The following ENTPD1 variants were observed in gnomAD, a reference collection of about 807,000 sequenced individuals.
ENTPD1 encodes ectonucleoside triphosphate diphosphohydrolase 1, also known as ATP diphosphohydrolase.
ENTPD1 carries 33 observed loss-of-function variants against 57.0 expected under a neutral mutation model. The observed-to-expected ratio is 0.58, with a 90% CI of 0.44 to 0.77. The LOEUF (loss-of-function observed/expected upper bound fraction) is 0.77, where lower values mean the gene tolerates loss of function less well. Ranked by LOEUF, ENTPD1 falls within the 30% of genes least tolerant of loss-of-function variation. The probability of loss-of-function intolerance (pLI) is 0.00; values close to 1 mark genes in which losing one functional copy is unlikely to be tolerated. For synonymous variants in ENTPD1, 202 were observed against 218.8 expected (o/e 0.92, Z 0.68); for missense variants, 501 against 603.4 (o/e 0.83, Z 1.78).
At chr10:95,771,104 A>AC (rs142620832) in intron 1 of ENTPD1, among the ~76,000 whole-genome samples, 2,369 of 152,200 alleles carry the variant, frequency 0.016, 58 homozygotes, top group African/African-American at 0.054. Flanking sequence ...TGTTATGCAT[A>AC]CCAATTGTAA....
chr10:95,713,033 TAAA>T (rs1555272407), intron 1 of ENTPD1, among the ~76,000 whole-genome samples: 10 of 142,990 alleles, frequency 7.0e-5, no homozygotes, highest in Admixed American at 1.4e-4. Flanking sequence ...GATTCTGTCT[TAAA>T]AAAAAAAAAA....
chr10:95,819,266 C>T (rs1370985283), intron 1 of ENTPD1, among the ~76,000 whole-genome samples: 9 of 152,046 alleles, frequency 5.9e-5, no homozygotes, highest in South Asian at 2.1e-4. Context: ...TGGGCTCAAG[C>T]GATCCTCTCA....
the ENTPD1 span, among the ~76,000 whole-genome samples, chr10:95,704,270 T>G: frequency 6.6e-6 from 1 of 152,174 alleles, no homozygotes; most frequent in East Asian, 1.9e-4. Context: ...TCAGCATTTT[T>G]GGGTAAAAAT....
intron 1 of ENTPD1, among the ~76,000 whole-genome samples, chr10:95,717,563 A>G (rs760173226): frequency 2.6e-4 from 39 of 151,816 alleles, no homozygotes; most frequent in Non-Finnish European, 5.0e-4. Context: ...CCTCTTTACT[A>G]CCTGATTGGT....
rs1228932475 is a variant in ENTPD1 at position 95,857,623 on chromosome 10, C to G, written c.1075-2846C>G. Among the ~76,000 whole-genome samples the G allele has an allele frequency of 3.9e-5, 6 of 152,142 alleles. No homozygotes were observed. The South Asian group carries it at 1.2e-3, about 32-fold the overall frequency. On this transcript the variant is annotated intron_variant, in intron 7 of 9. Coordinates refer to ENST00000371205, the MANE Select transcript of ENTPD1 (RefSeq NM_001776.6). The stretch of plus-strand genomic sequence containing the variant: ...TTTCCAGGCATTAGCTATGCGAATC[C>G]AAGCATATATAAATTTATCCAGATT...
At chr10:95,770,252 AGTGAGTGTGTGTGTGT>A (rs1238649463) in intron 1 of ENTPD1, among the ~76,000 whole-genome samples, 1 of 115,344 alleles carries the variant, frequency 8.7e-6, no homozygotes. Flanking sequence ...AGAGTGAGTG[AGTGAGTGTGTGTGTGT>A]GTGTGTGTGT....
At chr10:95,724,560 C>T (rs970426230) in intron 1 of ENTPD1, among the ~76,000 whole-genome samples, 5 of 152,250 alleles carry the variant, frequency 3.3e-5, no homozygotes, top group East Asian at 1.9e-4. Flanking sequence ...TGGAACCCAG[C>T]GACTAGTGTT....
chr10:95,731,781 C>CTTTTTTTTTTTCTTTTTTTT (rs2097989386), intron 1 of ENTPD1, among the ~76,000 whole-genome samples: 1 of 79,178 alleles, frequency 1.3e-5, no homozygotes, highest in South Asian at 5.5e-4. Flanking sequence ...AGTGGACATC[C>CTTTTTTTTTTTCTTTTTTTT]TTTTTTTTTT....
intron 1 of ENTPD1, among the ~76,000 whole-genome samples, chr10:95,737,674 G>A (rs2139866880): frequency 6.6e-6 from 1 of 152,200 alleles, no homozygotes; most frequent in South Asian, 2.1e-4. Context: ...CGCTTGAGCT[G>A]CTGCAACCGG....
At chr10:95,708,371 G>A (rs1008428389), upstream of ENTPD1, among the ~76,000 whole-genome samples, 1 of 151,952 alleles carries the variant, frequency 6.6e-6, no homozygotes, top group East Asian at 1.9e-4. Flanking sequence ...GTGCCATCAC[G>A]CCCAGCTAAT....
chr10:95,708,467 C>T (rs1460785417), upstream of ENTPD1, among the ~76,000 whole-genome samples: 4 of 152,100 alleles, frequency 2.6e-5, no homozygotes, highest in Non-Finnish European at 5.9e-5. Context: ...CTGCCTCAGC[C>T]TCCCAAAGTG....
At position 95,726,264 on chromosome 10, in the gene ENTPD1, C is replaced by CA. The variant is rs1392787289; in HGVS notation, c.37+14271_37+14272insA. 3.9e-5 allele frequency among the ~76,000 whole-genome samples: 6 copies of CA among 152,310 alleles called. No individual in the cohort carries two copies. The East Asian group carries it at 1.2e-3, about 29-fold the overall frequency. On this transcript the variant is annotated intron_variant, in intron 1 of 9. Transcript: ENST00000453258. ...TTCATAAATATATCATCTACATATA[C>CA]TAGAACCATAGTGAAAGTGTTATAA... is the stretch of plus-strand genomic sequence containing the variant.
rs998741564 is a variant in ENTPD1, at chr10:95,871,333, T to A, written c.*4950T>A. On this transcript the variant is annotated 3_prime_UTR_variant, in exon 10 of 10. Coordinates refer to ENST00000371205, the MANE Select transcript of ENTPD1 (RefSeq NM_001776.6). ...GAAATATTATCTTTAAAAAATGTCA[T>A]TACTTCTAAGACATCATCAGTCTGC... The A allele has an allele frequency of 9.1e-6, 9 of 985,302 alleles. No homozygotes were observed. The African/African-American group carries it at 1.6e-4, about 17-fold the overall frequency. The allele number at this position is 985,302 out of a possible 1,614,324, so 61.0% of individuals were successfully genotyped here. A position where few individuals can be genotyped will look rare whatever the true frequency, so the allele number is the denominator to read the frequency against.
chr10:95,721,788 G>A (rs2097977790), intron 1 of ENTPD1, among the ~76,000 whole-genome samples: 1 of 151,992 alleles, frequency 6.6e-6, no homozygotes, highest in South Asian at 2.1e-4. Flanking sequence ...TTTCCAGGGT[G>A]CGTAACTACC....
chr10:95,698,904 G>C, the ENTPD1 span, among the ~76,000 whole-genome samples: 3 of 152,198 alleles, frequency 2.0e-5, no homozygotes, highest in Admixed American at 1.3e-4. Flanking sequence ...GATCCCGCCT[G>C]TGCATAGGCT....
rs189795537 is a variant in ENTPD1, at chr10:95,727,849, C to T, written c.37+15856C>T. ...AATGGTTACTCCTAGCAGTCTGATG[C>T]CAAAATCTAAACAAATCTAGAATTT... On this transcript the variant is annotated intron_variant, in intron 1 of 9. Coordinates refer to the ENTPD1 transcript ENST00000453258. Among the ~76,000 whole-genome samples the T allele has an allele frequency of 5.9e-5, 9 of 152,128 alleles. No homozygotes were observed. The East Asian group carries it at 1.2e-3, about 20-fold the overall frequency.
chr10:95,724,296 A>T (rs935482440), intron 1 of ENTPD1, among the ~76,000 whole-genome samples: 3 of 152,070 alleles, frequency 2.0e-5, no homozygotes, highest in African/African-American at 4.8e-5. Context: ...AAGGAAGGAT[A>T]GGACAGAATA....
At chr10:95,838,510 T>G (rs180717661) in intron 2 of ENTPD1, among the ~76,000 whole-genome samples, 1 of 152,098 alleles carries the variant, frequency 6.6e-6, no homozygotes. Context: ...ACAGTTTGAG[T>G]TCATCTTACA....
intron 1 of ENTPD1, among the ~76,000 whole-genome samples, chr10:95,742,388 T>G (rs1411793472): frequency 6.6e-6 from 1 of 152,052 alleles, no homozygotes; most frequent in Non-Finnish European, 1.5e-5. Context: ...TTTTTTCAAG[T>G]GCTGCAACCA....
Sources: allele counts gnomAD v4.1 joint callset (sites outside exome capture counted in the v4.1 genomes callset), GRCh38; gene constraint gnomAD v4.1.1; transcripts MANE v1.5; gene names NCBI Gene and HGNC (gene_info 2026-07-23, HGNC 2026-07-21).